MAGI1: variants seen among roughly 807,000 people sequenced by gnomAD.
MAGI1 encodes membrane associated guanylate kinase, WW and PDZ domain containing 1.
In MAGI1, 58 loss-of-function variants were observed where a neutral mutation model predicts 139.9. The ratio of observed to expected loss-of-function variants is 0.41; its 90% CI spans 0.34 to 0.52. MAGI1 has a LOEUF of 0.52. Ranked by LOEUF, MAGI1 falls within the 20% of genes least tolerant of loss-of-function variation. The pLI is 0.12. For missense variants in MAGI1, 1,874 were observed against 1,901.6 expected, an observed-to-expected ratio of 0.99 and a Z score of 0.27; for synonymous variants, 812 against 737.9, an observed-to-expected ratio of 1.10 and a Z score of -1.63.
In MAGI1 at chr3:65,356,265, T is replaced by C. The variant is rs1011833221; in HGVS notation, c.*113A>G. The C allele has an allele frequency of 6.9e-6, 7 of 1,018,354 alleles. No homozygotes were observed. The highest frequency in any genetic ancestry group is 2.7e-5 in the Admixed American group (1 of 37,090). The allele number at this position is 1,018,354 out of a possible 1,614,324, so 63.1% of individuals were successfully genotyped here. A position where few individuals can be genotyped will look rare whatever the true frequency, so the allele number is the denominator to read the frequency against. The stretch of plus-strand genomic sequence containing the variant: ...TGCATAAAATGTTTGTTGTTATTCA[T>C]AGGATCATCAGGTGTCAGATGCTTC... On this transcript the variant is annotated 3_prime_UTR_variant, in exon 23 of 23. Transcript: ENST00000402939.
In MAGI1 at chr3:65,478,921, CTG is replaced by C. The variant is rs1031299061; in HGVS notation, c.551-125_551-124del. 3 of 717,874 alleles carry C rather than the reference CTG, an allele frequency of 4.2e-6. No homozygotes were observed. In the African/African-American group the frequency reaches 5.4e-5, roughly 13 times the overall value. The allele number at this position is 717,874 out of a possible 1,614,324, so 44.5% of individuals were successfully genotyped here. ...AATTAAACTAGAAAACCAGAACAAA[CTG>C]TATTTTATTTCTGGAGTGGGTTAGA... On this transcript the variant is annotated intron_variant, in intron 3 of 22. Transcript: ENST00000402939.
At chr3:65,925,987 C>T (rs1442913527) in intron 1 of MAGI1, among the ~76,000 whole-genome samples, 1 of 152,178 alleles carries the variant, frequency 6.6e-6, no homozygotes, top group Admixed American at 6.5e-5. Context: ...CATATGTACT[C>T]ATATAATCCT....
At position 65,656,979 on chromosome 3, in the gene MAGI1, C is replaced by CAA. The variant is rs58817001; in HGVS notation, c.314-34893_314-34892dup. ...TGGGTGACACAGGAGGACACCATCT[C>CAA]AAAAAAAAAAAAAAAAAAAAAAAGA... On this transcript the variant is annotated intron_variant, in intron 1 of 22. Transcript: ENST00000402939. Among the ~76,000 whole-genome samples the CAA allele has an allele frequency of 6.9e-3, 508 of 73,488 alleles. 4 individuals are homozygous for CAA. Among genetic ancestry groups the CAA allele is most frequent in the Non-Finnish European group, 9.1e-3 (373 of 41,016 alleles). The allele number at this position is 73,488 out of a possible 152,430, so 48.2% of individuals were successfully genotyped here.
At chr3:66,016,286 T>C (rs2067632475) in intron 1 of MAGI1, among the ~76,000 whole-genome samples, 1 of 152,174 alleles carries the variant, frequency 6.6e-6, no homozygotes, top group South Asian at 2.1e-4. Context: ...TCATATAAGA[T>C]ATGTGCTCTT....
At chr3:65,868,624 G>C (rs970668603) in intron 1 of MAGI1, among the ~76,000 whole-genome samples, 2 of 152,108 alleles carry the variant, frequency 1.3e-5, no homozygotes, top group Non-Finnish European at 2.9e-5. Flanking sequence ...AATGCCAATG[G>C]AAATCTGTCG....
intron 1 of MAGI1, among the ~76,000 whole-genome samples, chr3:65,670,392 A>G (rs2086783765): frequency 6.6e-6 from 1 of 151,852 alleles, no homozygotes; most frequent in Non-Finnish European, 1.5e-5. Flanking sequence ...ATTATTGCCA[A>G]CATTGAAGTT....
chr3:65,452,480 C>G (rs1164512242), intron 6 of MAGI1: 1 of 152,032 alleles, frequency 6.6e-6, no homozygotes, highest in African/African-American at 2.4e-5. Flanking sequence ...CAGAGCGAAG[C>G]AAACCATTTC....
intron 1 of MAGI1, among the ~76,000 whole-genome samples, chr3:65,811,601 C>T (rs569543880): frequency 5.3e-5 from 8 of 151,726 alleles, no homozygotes; most frequent in African/African-American, 1.9e-4. Context: ...AACTGCAGAA[C>T]GAGCTAAGGG....
At chr3:65,980,560 A>G (rs993733801) in intron 1 of MAGI1, among the ~76,000 whole-genome samples, 4 of 83,756 alleles carry the variant, frequency 4.8e-5, no homozygotes, top group Admixed American at 1.6e-4. Context: ...CTGAGACTCC[A>G]TCTCAAAAAA....
At chr3:65,733,856 T>A (rs1277418348) in intron 1 of MAGI1, among the ~76,000 whole-genome samples, 1 of 152,202 alleles carries the variant, frequency 6.6e-6, no homozygotes, top group African/African-American at 2.4e-5. Flanking sequence ...TGAAACCACC[T>A]TCACATGTTT....
intron 1 of MAGI1, among the ~76,000 whole-genome samples, chr3:65,770,611 T>A (rs2037868872): frequency 6.6e-6 from 1 of 152,206 alleles, no homozygotes; most frequent in South Asian, 2.1e-4. Flanking sequence ...AAGATGCTTT[T>A]AATAGGTAAT....
chr3:65,776,411 C>A (rs1286174436), intron 1 of MAGI1, among the ~76,000 whole-genome samples: 1 of 151,844 alleles, frequency 6.6e-6, no homozygotes, highest in Non-Finnish European at 1.5e-5. Context: ...GCCTCTGAGT[C>A]CCAGGAAACA....
chr3:65,690,732 T>TGTGCTGGGATTACAGCCTCCCAAG (rs2088536865), intron 1 of MAGI1, among the ~76,000 whole-genome samples: 1 of 151,378 alleles, frequency 6.6e-6, no homozygotes, highest in African/African-American at 2.4e-5. Flanking sequence ...CACCTCCCAA[T>TGTGCTGGGATTACAGCCTCCCAAG]GTGCTGGGAT....
chr3:65,835,560 G>A (rs911385918), intron 1 of MAGI1, among the ~76,000 whole-genome samples: 6 of 150,736 alleles, frequency 4.0e-5, no homozygotes, highest in African/African-American at 1.5e-4. Context: ...TAGAACTCAT[G>A]AGTATGATAA....
intron 2 of MAGI1, among the ~76,000 whole-genome samples, chr3:65,529,706 A>C (rs1365872948): frequency 2.6e-5 from 4 of 152,222 alleles, no homozygotes; most frequent in Admixed American, 6.5e-5. Flanking sequence ...AATCTTTTCA[A>C]TTCTTATGAG....
chr3:65,559,831 T>C (rs1468171288), intron 2 of MAGI1, among the ~76,000 whole-genome samples: 1 of 152,118 alleles, frequency 6.6e-6, no homozygotes, highest in Non-Finnish European at 1.5e-5. Flanking sequence ...GCTGAAGACT[T>C]CGACACCAGC....
intron 1 of MAGI1, among the ~76,000 whole-genome samples, chr3:66,008,450 C>T (rs1324117311): frequency 6.6e-6 from 1 of 152,192 alleles, no homozygotes; most frequent in Non-Finnish European, 1.5e-5. Context: ...CATGTAGGCA[C>T]TATACCTGGC....
At chr3:65,792,357 C>T (rs925421109) in intron 1 of MAGI1, among the ~76,000 whole-genome samples, 7 of 152,044 alleles carry the variant, frequency 4.6e-5, no homozygotes, top group Admixed American at 2.0e-4. Context: ...CCCAGCTACT[C>T]GGGAGGCTGA....
intron 1 of MAGI1, among the ~76,000 whole-genome samples, chr3:65,694,214 A>T (rs2088939945): frequency 6.6e-6 from 1 of 151,376 alleles, no homozygotes; most frequent in African/African-American, 2.4e-5. Flanking sequence ...AAACTCCTTT[A>T]AAAAAGGTTA....
Sources: allele counts gnomAD v4.1 joint callset (sites outside exome capture counted in the v4.1 genomes callset), GRCh38; gene constraint gnomAD v4.1.1; transcripts MANE v1.5; gene names NCBI Gene and HGNC (gene_info 2026-07-23, HGNC 2026-07-21).